The following CSMD3 variants were observed in gnomAD, a reference collection of about 807,000 sequenced individuals.
CSMD3 encodes CUB and Sushi multiple domains 3.
A neutral mutation model predicts 435.2 loss-of-function variants in CSMD3; 177 were observed. The observed-to-expected ratio is 0.41, with a 90% CI of 0.36 to 0.46. CSMD3 has a LOEUF of 0.46. Ranked by LOEUF, CSMD3 falls within the 20% of genes least tolerant of loss-of-function variation. The pLI is 0.34. For synonymous variants in CSMD3, 1,656 were observed against 1,520.5 expected, an observed-to-expected ratio of 1.09 and a Z score of -2.07; for missense variants, 4,265 against 4,504.6, an observed-to-expected ratio of 0.95 and a Z score of 1.52.
At chr8:112,364,470 T>C (rs928991874) in intron 38 of CSMD3, among the ~76,000 whole-genome samples, 1 of 152,038 alleles carries the variant, frequency 6.6e-6, no homozygotes, top group Non-Finnish European at 1.5e-5. Context: ...TTTAAAAACA[T>C]GTATATTTTA....
chr8:113,271,930 A>T (rs1446757737), intron 3 of CSMD3, among the ~76,000 whole-genome samples: 2 of 152,092 alleles, frequency 1.3e-5, no homozygotes, highest in African/African-American at 4.8e-5. Flanking sequence ...CATCAGCTTG[A>T]CCTGGATGTG....
At position 112,454,253 on chromosome 8, in the gene CSMD3, C is replaced by T. The variant is rs143813865; in HGVS notation, c.5395+18338G>A. Among the ~76,000 whole-genome samples, 399 of 152,044 alleles carry T rather than the reference C, an allele frequency of 2.6e-3. 6 individuals are homozygous for T. Among genetic ancestry groups the T allele is most frequent in the Admixed American group, 0.022 (339 of 15,236 alleles). Reference sequence around the variant, plus strand: ...CAGAAACAAAAATTGACAAGTAAGACGTAATTAAACTAAAGAGCTTCTGCA... The same window carrying T: ...CAGAAACAAAAATTGACAAGTAAGATGTAATTAAACTAAAGAGCTTCTGCA... On this transcript the variant is annotated intron_variant, in intron 32 of 70. Coordinates refer to ENST00000297405, the MANE Select transcript of CSMD3 (RefSeq NM_198123.2).
At chr8:112,294,616 C>T (rs990202205) in intron 54 of CSMD3, among the ~76,000 whole-genome samples, 1 of 151,930 alleles carries the variant, frequency 6.6e-6, no homozygotes, top group East Asian at 1.9e-4. Context: ...AATAAGTGCA[C>T]AATGGCCAAA....
chr8:113,179,441 T>G, intron 3 of CSMD3, among the ~76,000 whole-genome samples: 1 of 151,868 alleles, frequency 6.6e-6, no homozygotes, highest in East Asian at 1.9e-4. Flanking sequence ...AATTTAAAAA[T>G]AGTAATTTAG....
chr8:112,276,268 G>A (rs901059958), intron 59 of CSMD3, among the ~76,000 whole-genome samples: 1 of 152,208 alleles, frequency 6.6e-6, no homozygotes, highest in African/African-American at 2.4e-5. Context: ...CTCCACCCCT[G>A]TGGCTTTGCA....
At chr8:113,417,448 A>C (rs1308814114) in intron 1 of CSMD3, among the ~76,000 whole-genome samples, 1 of 151,970 alleles carries the variant, frequency 6.6e-6, no homozygotes, top group Non-Finnish European at 1.5e-5. Flanking sequence ...GTTTTTGTGA[A>C]AGATAATTTT....
intron 22 of CSMD3, among the ~76,000 whole-genome samples, chr8:112,593,590 C>T (rs1371550830): frequency 6.6e-6 from 1 of 151,978 alleles, no homozygotes; most frequent in African/African-American, 2.4e-5. Flanking sequence ...AAGCCACAGA[C>T]AAAAAGGTTT....
chr8:112,289,964 T>C (rs1378714490), intron 56 of CSMD3, among the ~76,000 whole-genome samples: 1 of 152,012 alleles, frequency 6.6e-6, no homozygotes, highest in East Asian at 1.9e-4. Context: ...GGATTTAAAG[T>C]GAAGCAATAC....
chr8:113,117,959 C>A (rs1032928259), intron 4 of CSMD3, among the ~76,000 whole-genome samples: 18 of 152,092 alleles, frequency 1.2e-4, no homozygotes, highest in African/African-American at 4.1e-4. Context: ...GTTTTGCAGG[C>A]TCATAGGTGG....
chr8:112,793,266 A>T (rs1172750071), intron 13 of CSMD3, among the ~76,000 whole-genome samples: 2 of 149,430 alleles, frequency 1.3e-5, no homozygotes, highest in African/African-American at 4.9e-5. Flanking sequence ...AAATTTGCTC[A>T]TGATGAATAT....
At chr8:112,284,571 A>G (rs1461964206) in intron 58 of CSMD3, among the ~76,000 whole-genome samples, 1 of 151,568 alleles carries the variant, frequency 6.6e-6, no homozygotes, top group Non-Finnish European at 1.5e-5. Context: ...GTAATATTTT[A>G]TTGACTATAC....
At chr8:112,980,560 G>T (rs963421941) in intron 6 of CSMD3, among the ~76,000 whole-genome samples, 1 of 150,964 alleles carries the variant, frequency 6.6e-6, no homozygotes, top group Non-Finnish European at 1.5e-5. Context: ...TAAATACTAC[G>T]ACTAATTCTA....
intron 4 of CSMD3, among the ~76,000 whole-genome samples, chr8:113,137,901 G>T (rs1052914227): frequency 1.3e-5 from 2 of 151,474 alleles, no homozygotes; most frequent in African/African-American, 4.8e-5. Context: ...AAACCCTATA[G>T]AATGACACAA....
At chr8:113,234,260 A>T (rs969187433) in intron 3 of CSMD3, among the ~76,000 whole-genome samples, 3 of 152,070 alleles carry the variant, frequency 2.0e-5, no homozygotes, top group African/African-American at 7.2e-5. Flanking sequence ...TCACCAGTTA[A>T]ATTAATCTTA....
At chr8:113,261,720 A>G (rs1312080184) in intron 3 of CSMD3, among the ~76,000 whole-genome samples, 1 of 152,090 alleles carries the variant, frequency 6.6e-6, no homozygotes, top group African/African-American at 2.4e-5. Context: ...ACAACCCTCT[A>G]AAAAATACAA....
At chr8:113,206,460 T>G (rs1405405224) in intron 3 of CSMD3, among the ~76,000 whole-genome samples, 1 of 152,194 alleles carries the variant, frequency 6.6e-6, no homozygotes, top group Non-Finnish European at 1.5e-5. Flanking sequence ...CTATTTTTTC[T>G]ATTTGTAATA....
At chr8:112,549,618 GTAT>G (rs1454710253) in intron 27 of CSMD3, among the ~76,000 whole-genome samples, 1 of 151,834 alleles carries the variant, frequency 6.6e-6, no homozygotes. Flanking sequence ...TAAACTATTT[GTAT>G]TATTTATTTT....
At chr8:112,586,134 G>A (rs1830707383) in intron 23 of CSMD3, among the ~76,000 whole-genome samples, 1 of 151,388 alleles carries the variant, frequency 6.6e-6, no homozygotes, top group Non-Finnish European at 1.5e-5. Context: ...CAATTACCAT[G>A]AAATAATATT....
chr8:112,747,980 A>AAAAAAAC lies in CSMD3; in HGVS notation c.1972+52175_1972+52181dup, dbSNP rs1563921950. ...TCCGTCTCAAAAAAAAAAAAAAAAA[A>AAAAAAAC]AAAAAACAGGCATCAGGCCATATTA... On this transcript the variant is annotated intron_variant, in intron 13 of 70. Coordinates refer to ENST00000297405, the MANE Select transcript of CSMD3 (RefSeq NM_198123.2). Among the ~76,000 whole-genome samples, 124 of 151,024 alleles carry AAAAAAAC rather than the reference A, an allele frequency of 8.2e-4. 1 individual carries two copies. Among genetic ancestry groups the AAAAAAAC allele is most frequent in the African/African-American group, 3.0e-3 (122 of 40,774 alleles).
Sources: allele counts gnomAD v4.1 joint callset (sites outside exome capture counted in the v4.1 genomes callset), GRCh38; gene constraint gnomAD v4.1.1; transcripts MANE v1.5; gene names NCBI Gene and HGNC (gene_info 2026-07-23, HGNC 2026-07-21).